GID8: variants seen among roughly 807,000 people sequenced by gnomAD.
GID8 encodes the protein glucose-induced degradation protein 8 homolog.
GID8 carries 6 observed loss-of-function variants against 27.4 expected under a neutral mutation model. The ratio of observed to expected loss-of-function variants is 0.22; its 90% CI spans 0.12 to 0.43. GID8 has a LOEUF of 0.43. GID8 is among the 20% of genes least tolerant of loss of function. GID8 has a pLI of 1.00. For missense variants in GID8, 173 were observed against 287.6 expected (o/e 0.60, Z 2.88); for synonymous variants, 112 against 109.0 (o/e 1.03, Z -0.17).
chr20:62,945,131 TGCACTCTG>T lies in GID8; in HGVS notation c.*226_*233del, dbSNP rs1170635299. On this transcript the variant is annotated 3_prime_UTR_variant, in exon 5 of 5. Transcript: ENST00000266069. ...CTCTTTGGCAGTCTGATGCAGAGCC[TGCACTCTG>T]GCACTCGCTGAAGAATCTGGAAGGT... is the stretch of plus-strand genomic sequence containing the variant. 1 of 1,355,154 alleles carries T rather than the reference TGCACTCTG, an allele frequency of 7.4e-7. No homozygotes were observed. The highest frequency in any genetic ancestry group is 3.2e-5 in the Admixed American group (1 of 31,344). 83.9% of individuals were successfully genotyped at this position (1,355,154 alleles called of 1,614,324 possible). A position where few individuals can be genotyped will look rare whatever the true frequency, so the allele number is the denominator to read the frequency against.
Position 62,945,798 on chromosome 20 carries a change from C to G in GID8, c.*886C>G. 1 of 1,284,164 alleles carries G rather than the reference C, an allele frequency of 7.8e-7. No homozygotes were observed. The highest frequency in any genetic ancestry group is 1.0e-6 in the Non-Finnish European group (1 of 985,142). 79.5% of individuals were successfully genotyped at this position (1,284,164 alleles called of 1,614,324 possible). Reference sequence around the variant, plus strand: ...AGCGGCCTTCATTAGAGCGAGGCAGCCCTTGGCCGGTGGGGACGCAGAGCC... The same window carrying G: ...AGCGGCCTTCATTAGAGCGAGGCAGGCCTTGGCCGGTGGGGACGCAGAGCC... On this transcript the variant is annotated 3_prime_UTR_variant, in exon 5 of 5. Transcript: ENST00000266069.
rs11480783 is a variant in GID8, at chr20:62,943,852, T to TC, written c.513+160_513+161insC. Reference sequence around the variant, plus strand: ...CCTTCATGGCTTTTTTTTTTTTTTTTGGAGGTGAAGTCTTGTTCTGTCGCC... The same window carrying TC: ...CCTTCATGGCTTTTTTTTTTTTTTTTCGGAGGTGAAGTCTTGTTCTGTCGCC... On this transcript the variant is annotated intron_variant, in intron 4 of 4. Transcript: ENST00000266069. This position sits in a 1 kb window ranked among gnomAD's most constrained non-coding sequence, Gnocchi z 4.7. 7.0e-6 allele frequency among the ~76,000 whole-genome samples: 1 copy of TC among 141,902 alleles called. No individual in the cohort carries two copies. Among genetic ancestry groups the TC allele is most frequent in the Non-Finnish European group, 1.5e-5 (1 of 64,816 alleles). 93.1% of individuals were successfully genotyped at this position (141,902 alleles called of 152,430 possible).
intron 1 of GID8, among the ~76,000 whole-genome samples, chr20:62,940,742 CTT>C (rs920093807): frequency 6.6e-6 from 1 of 152,234 alleles, no homozygotes; most frequent in African/African-American, 2.4e-5. Context: ...ATGAAATTCT[CTT>C]GTGTGAATAC....
Position 62,945,927 on chromosome 20 carries a change from TCTGCCGATGTC to T in GID8, c.*1020_*1030del. The T allele has an allele frequency of 7.8e-7, 1 of 1,289,242 alleles. No homozygotes were observed. The highest frequency in any genetic ancestry group is 1.0e-6 in the Non-Finnish European group (1 of 988,644). The allele number at this position is 1,289,242 out of a possible 1,614,324, so 79.9% of individuals were successfully genotyped here. A position where few individuals can be genotyped will look rare whatever the true frequency, so the allele number is the denominator to read the frequency against. Reference sequence around the variant, plus strand: ...ATCTCATCCTCCATCGTCAGCTGGCTCTGCCGATGTCCTGCTTCTGTTCACTCACAGAACTG... The same window carrying T: ...ATCTCATCCTCCATCGTCAGCTGGCTCTGCTTCTGTTCACTCACAGAACTG... On this transcript the variant is annotated 3_prime_UTR_variant, in exon 5 of 5. Transcript: ENST00000266069.
In GID8 at chr20:62,943,762, A is replaced by AGT; in HGVS notation, c.513+76_513+77dup. The AGT allele has an allele frequency of 8.3e-7, 1 of 1,204,110 alleles. No individual in the cohort carries two copies. Among genetic ancestry groups the AGT allele is most frequent in the Non-Finnish European group, 1.2e-6 (1 of 821,470 alleles). The allele number at this position is 1,204,110 out of a possible 1,614,324, so 74.6% of individuals were successfully genotyped here. On this transcript the variant is annotated intron_variant, in intron 4 of 4. Coordinates refer to ENST00000266069, the MANE Select transcript of GID8 (RefSeq NM_017896.3). This position sits in a 1 kb window ranked among gnomAD's most constrained non-coding sequence, Gnocchi z 4.7. ...CTGAGGGGGCTTCGTGACAACGCCA[A>AGT]GTGTGTGGCTTTGCTGTGTGGACTG... is the stretch of plus-strand genomic sequence containing the variant.
chr20:62,945,277 T>A lies in GID8; in HGVS notation c.*365T>A, dbSNP rs2065461207. 9.8e-7 allele frequency: 1 copy of A among 1,017,782 alleles called. No homozygotes were observed. Among genetic ancestry groups the A allele is most frequent in the South Asian group, 4.3e-5 (1 of 23,454 alleles). 63.0% of individuals were successfully genotyped at this position (1,017,782 alleles called of 1,614,324 possible). On this transcript the variant is annotated 3_prime_UTR_variant, in exon 5 of 5. Transcript: ENST00000266069. ...ACTCAAAATACAGGAAAAGCACGAATCATGATTCTGCTTTCTGTTAGCTTA... is the reference window on the plus strand; with the variant it reads ...ACTCAAAATACAGGAAAAGCACGAAACATGATTCTGCTTTCTGTTAGCTTA...
At chr20:62,941,844 C>T (rs1018872307) in intron 2 of GID8, among the ~76,000 whole-genome samples, 2 of 152,180 alleles carry the variant, frequency 1.3e-5, no homozygotes, top group Non-Finnish European at 2.9e-5. Flanking sequence ...ATTTTTCAGC[C>T]TTTGACAGTT....
chr20:62,945,397 T>C lies in GID8; in HGVS notation c.*485T>C. 1.5e-5 allele frequency: 15 copies of C among 975,300 alleles called. No homozygotes were observed. Among genetic ancestry groups the C allele is most frequent in the Non-Finnish European group, 1.7e-5 (14 of 819,100 alleles). The allele number at this position is 975,300 out of a possible 1,614,324, so 60.4% of individuals were successfully genotyped here. On this transcript the variant is annotated 3_prime_UTR_variant, in exon 5 of 5. Coordinates refer to ENST00000266069, the MANE Select transcript of GID8 (RefSeq NM_017896.3). ...TTTTCCATAGGAAAGAATATATAAA[T>C]TTGTAAATCCTAATTCAAAGATGGC...
At chr20:62,938,646 C>T (rs990816936) in intron 1 of GID8, 1 of 152,276 alleles carries the variant, frequency 6.6e-6, no homozygotes, top group Admixed American at 6.5e-5. Flanking sequence ...AAGTAGGAGT[C>T]TTCAGCACAC....
intron 1 of GID8, among the ~76,000 whole-genome samples, chr20:62,939,298 C>CT (rs1321410332): frequency 1.3e-5 from 2 of 152,158 alleles, no homozygotes; most frequent in Non-Finnish European, 2.9e-5. Flanking sequence ...GCTGGTGCCA[C>CT]TTTCTCTGCT....
rs1415228950 is a variant in GID8 at position 62,944,814 on chromosome 20, A to G, written c.589A>G (p.Lys197Glu). Residue 197 changes from lysine to glutamate, a missense_variant, in exon 5 of 5, where the codon AAA (lysine) becomes GAA (glutamate). Transcript: ENST00000266069. Reference sequence around the variant, plus strand: ...AACACCCAAACTGGCAAAATTACTGAAACTACTACTTTGGGCTCAGAACGA... The same window carrying G: ...AACACCCAAACTGGCAAAATTACTGGAACTACTACTTTGGGCTCAGAACGA... ...ESTPKLAKLL[K>E]LLLWAQNELD... The G allele has an allele frequency of 6.2e-7, 1 of 1,614,216 alleles. No individual in the cohort carries two copies. The highest frequency in any genetic ancestry group is 1.1e-5 in the South Asian group (1 of 91,084).
Position 62,944,890 on chromosome 20 carries a change from G to A in GID8, c.665G>A (p.Gly222Asp). Reference sequence around the variant, plus strand: ...CCCAAAATGACAGACCTCAGCAAGGGTGTGATTGAGGAGCCCAAGTAGCGC... The same window carrying A: ...CCCAAAATGACAGACCTCAGCAAGGATGTGATTGAGGAGCCCAAGTAGCGC... ...KYPKMTDLSKGVIEEPK is the reference protein window; with the variant it reads ...KYPKMTDLSKDVIEEPK The change falls in exon 5 of 5, where the codon GGT (glycine) becomes GAT (aspartate). Residue 222 changes from glycine to aspartate, a missense_variant. Gly to Asp is a moderately conservative substitution (Grantham distance 94, BLOSUM62 -1). Coordinates refer to ENST00000266069, the MANE Select transcript of GID8 (RefSeq NM_017896.3). The A allele has an allele frequency of 6.2e-7, 1 of 1,613,140 alleles. No individual in the cohort carries two copies. The highest frequency in any genetic ancestry group is 8.5e-7 in the Non-Finnish European group (1 of 1,179,422).
intron 1 of GID8, among the ~76,000 whole-genome samples, chr20:62,939,613 G>T (rs972319933): frequency 5.9e-5 from 9 of 152,234 alleles, no homozygotes; most frequent in African/African-American, 2.2e-4. Context: ...TCTCATGCTT[G>T]AAACCTGTGA....
In GID8 at chr20:62,941,499, C is replaced by G. The variant is rs752921132; in HGVS notation, c.-4C>G. The G allele has an allele frequency of 5.0e-5, 78 of 1,570,770 alleles. No individual in the cohort carries two copies. The highest frequency in any genetic ancestry group is 6.5e-5 in the Non-Finnish European group (74 of 1,140,832). On this transcript the variant is annotated 5_prime_UTR_variant, in exon 2 of 5. In the 5' UTR this introduces an upstream ATG that the reference lacks. Coordinates refer to ENST00000266069, the MANE Select transcript of GID8 (RefSeq NM_017896.3). ...TTATTTTTTTCCTGTAGAAATAAAT[C>G]AGAATGAGTTATGCAGAAAAACCCG...
rs1462136541 is a variant in GID8, at chr20:62,943,192, C to T, written c.315+9C>T. The stretch of plus-strand genomic sequence containing the variant: ...TTTACTTCCATTTGCAGGTATGTTT[C>T]AGGAGAGAGTAGTCTGGTTTGTGAA... On this transcript the variant is annotated intron_variant, in intron 3 of 4. Transcript: ENST00000266069. This position sits in a 1 kb window ranked among gnomAD's most constrained non-coding sequence, Gnocchi z 4.7. 1.9e-6 allele frequency: 3 copies of T among 1,593,128 alleles called. No homozygotes were observed. In the African/African-American group the frequency reaches 4.0e-5, roughly 21 times the overall value.
chr20:62,943,180 G>A lies in GID8; in HGVS notation c.312G>A (p.Leu104=). The change falls in exon 3 of 5, where the codon TTG becomes TTA. Residue 104 remains leucine, a synonymous_variant. Coordinates refer to ENST00000266069, the MANE Select transcript of GID8 (RefSeq NM_017896.3). The surrounding 1 kb of genome is among the most constrained non-coding windows in gnomAD (Gnocchi z 4.7). ...LDTNRYLYFH[L]QQQHLIELIR... ...CAAACCGGTATCTTTACTTCCATTTGCAGGTATGTTTCAGGAGAGAGTAGT... is the reference window on the plus strand; with the variant it reads ...CAAACCGGTATCTTTACTTCCATTTACAGGTATGTTTCAGGAGAGAGTAGT... The A allele has an allele frequency of 6.2e-7, 1 of 1,607,998 alleles. No individual in the cohort carries two copies. Among genetic ancestry groups the A allele is most frequent in the Non-Finnish European group, 8.5e-7 (1 of 1,174,902 alleles).
rs763601720 is a variant in GID8, at chr20:62,943,479, C to T, written c.316-16C>T. 2 of 1,610,354 alleles carry T rather than the reference C, an allele frequency of 1.2e-6. No homozygotes were observed. The highest frequency in any genetic ancestry group is 1.3e-5 in the African/African-American group (1 of 74,968). On this transcript the variant is annotated splice_polypyrimidine_tract_variant and intron_variant, in intron 3 of 4. Coordinates refer to ENST00000266069, the MANE Select transcript of GID8 (RefSeq NM_017896.3). The surrounding 1 kb of genome is among the most constrained non-coding windows in gnomAD (Gnocchi z 4.7). Reference sequence around the variant, plus strand: ...CTGGGTGTGTGGGGGTCAAGCTTGTCTGTCTCTGCCTCCAGCAACAGCATT... The same window carrying T: ...CTGGGTGTGTGGGGGTCAAGCTTGTTTGTCTCTGCCTCCAGCAACAGCATT...
Position 62,945,633 on chromosome 20 carries a change from G to C in GID8, c.*721G>C, listed in dbSNP as rs546678399. 13 of 1,171,202 alleles carry C rather than the reference G, an allele frequency of 1.1e-5. No homozygotes were observed. In the South Asian group the frequency reaches 1.5e-4, roughly 13 times the overall value. 72.6% of individuals were successfully genotyped at this position (1,171,202 alleles called of 1,614,324 possible). ...AATAAAGGTTTCTCTTTGATTTCAA[G>C]AATGACCAAAATGGCCTCTAAAAGA... On this transcript the variant is annotated 3_prime_UTR_variant, in exon 5 of 5. Coordinates refer to ENST00000266069, the MANE Select transcript of GID8 (RefSeq NM_017896.3).
Position 62,943,547 on chromosome 20 carries a change from A to G in GID8, c.368A>G (p.Glu123Gly). 4 of 1,613,230 alleles carry G rather than the reference A, an allele frequency of 2.5e-6. No homozygotes were observed. The highest frequency in any genetic ancestry group is 1.7e-5 in the Admixed American group (1 of 60,026). Residue 123 changes from glutamate to glycine, a missense_variant, in exon 4 of 5, where the codon GAG (glutamate) becomes GGG (glycine). Transcript: ENST00000266069. This position sits in a 1 kb window ranked among gnomAD's most constrained non-coding sequence, Gnocchi z 4.7. ...IRQRETEAAL[E>G]FAQTQLAEQG... The stretch of plus-strand genomic sequence containing the variant: ...CAGCGGGAGACAGAGGCGGCGCTGG[A>G]GTTTGCACAGACTCAGCTGGCGGAG...
Sources: gnomAD v4.1 joint callset for allele counts (sites outside exome capture counted in the v4.1 genomes callset) on GRCh38, gnomAD v4.1.1 for gene constraint, Gnocchi (gnomAD v3.1) non-coding constraint, MANE v1.5 for transcripts, NCBI Gene and HGNC (gene_info 2026-07-23, HGNC 2026-07-21) for gene names.